The following CACTIN variants were observed in gnomAD, a reference collection of about 807,000 sequenced individuals.
CACTIN encodes the protein cactin, spliceosome C complex subunit, also known as splicing factor Cactin.
In CACTIN, 20 loss-of-function variants were observed where a neutral mutation model predicts 84.9. The observed-to-expected ratio is 0.24, with a 90% confidence interval of 0.17 to 0.34. The LOEUF (loss-of-function observed/expected upper bound fraction) is 0.34, where lower values mean the gene tolerates loss of function less well. Among genes scored for constraint, CACTIN ranks in the 10% least tolerant of loss-of-function variants. The probability of loss-of-function intolerance (pLI) is 1.00; values close to 1 mark genes in which losing one functional copy is unlikely to be tolerated. For synonymous variants in CACTIN, 549 were observed against 467.9 expected, an observed-to-expected ratio of 1.17 and a Z score of -2.24; for missense variants, 897 against 1,117.2, an observed-to-expected ratio of 0.80 and a Z score of 2.81.
chr19:3,618,183 G>GC (rs973423772), intron 6 of CACTIN, among the ~76,000 whole-genome samples: 2 of 138,138 alleles, frequency 1.4e-5, no homozygotes, highest in East Asian at 2.4e-4. Flanking sequence ...AGACCGGGGG[G>GC]GGGGGGGGTC....
At chr19:3,626,280 C>T (rs2145340792) in intron 1 of CACTIN, among the ~76,000 whole-genome samples, 1 of 152,360 alleles carries the variant, frequency 6.6e-6, no homozygotes, top group South Asian at 2.1e-4. Context: ...CCATTTCCCT[C>T]CGACTAATAG....
At chr19:3,612,574 G>A (rs549350322) in intron 9 of CACTIN, among the ~76,000 whole-genome samples, 161 bp from the exon 10 acceptor site, 4 of 146,726 alleles carry the variant, frequency 2.7e-5, no homozygotes, top group South Asian at 2.2e-4. Context: ...TGGGCGACCC[G>A]GAGACCCACA....
chr19:3,613,672 T>C lies in CACTIN; in HGVS notation c.1356-86A>G, dbSNP rs2033034627. 2.7e-6 allele frequency: 4 copies of C among 1,508,168 alleles called. No homozygotes were observed. The South Asian group carries it at 4.9e-5, about 19-fold the overall frequency. The allele number at this position is 1,508,168 out of a possible 1,614,324, so 93.4% of individuals were successfully genotyped here. On this transcript the variant is annotated intron_variant, in intron 7 of 9. Transcript: ENST00000429344. Reference sequence around the variant, plus strand: ...CCGAGATTCTCACGCCCCTTATTGCTGCAAGGACCCTGAGAAGGTGGCGAG... The same window carrying C: ...CCGAGATTCTCACGCCCCTTATTGCCGCAAGGACCCTGAGAAGGTGGCGAG...
In CACTIN at chr19:3,611,051, C is replaced by T. The variant is rs531410512; in HGVS notation, c.*872G>A. The T allele has an allele frequency of 6.3e-5, 27 of 426,450 alleles. No individual in the cohort carries two copies. In the East Asian group the frequency reaches 8.6e-4, roughly 14 times the overall value. 26.4% of individuals were successfully genotyped at this position (426,450 alleles called of 1,614,324 possible). ...TCACTGGTCTCATGCTCCAAGGCCC[C>T]GTGAGCAGGCCAGGTGGGGGGATCC... On this transcript the variant is annotated 3_prime_UTR_variant, in exon 10 of 10. Transcript: ENST00000429344.
chr19:3,623,345 T>C lies in CACTIN; in HGVS notation c.642+343A>G, dbSNP rs186325600. Among the ~76,000 whole-genome samples, 61 of 151,888 alleles carry C rather than the reference T, an allele frequency of 4.0e-4. No individual in the cohort carries two copies. In the East Asian group the frequency reaches 4.3e-3, roughly 11 times the overall value. ...GAGATCGAGACCATCCTGGCTAACA[T>C]GGTGAAACCCTGTCTCTACTAAAAA... On this transcript the variant is annotated intron_variant, in intron 2 of 9. Coordinates refer to ENST00000429344, the MANE Select transcript of CACTIN (RefSeq NM_001080543.2).
rs763736608 is a variant in CACTIN at position 3,611,885 on chromosome 19, T to C, written c.*38A>G. 3 of 1,604,040 alleles carry C rather than the reference T, an allele frequency of 1.9e-6. No homozygotes were observed. The highest frequency in any genetic ancestry group is 1.7e-6 in the Non-Finnish European group (2 of 1,177,476). ...CAGCTTCACCGAAGCCCCTTTACTG[T>C]GCCCCCGAGGACACCTGCCTGCCGT... On this transcript the variant is annotated 3_prime_UTR_variant, in exon 10 of 10. Coordinates refer to ENST00000429344, the MANE Select transcript of CACTIN (RefSeq NM_001080543.2).
chr19:3,612,766 A>C, intron 9 of CACTIN: 1 of 697,464 alleles, frequency 1.4e-6, no homozygotes. Flanking sequence ...TGAAGCCAGT[A>C]TTTTCTCCTC....
rs144872991 is a variant in CACTIN, at chr19:3,624,803, G to A, written c.168-641C>T. Among the ~76,000 whole-genome samples, 61 of 152,228 alleles carry A rather than the reference G, an allele frequency of 4.0e-4. No homozygotes were observed. In the East Asian group the frequency reaches 7.9e-3, roughly 20 times the overall value. On this transcript the variant is annotated intron_variant, in intron 1 of 9. Coordinates refer to ENST00000429344, the MANE Select transcript of CACTIN (RefSeq NM_001080543.2). ...GTTAACAGAGTAGAGCGCAGGGAAT[G>A]GAAGATGCACAACCTCAGGGGTGGT...
chr19:3,613,255 T>A lies in CACTIN; in HGVS notation c.1589A>T (p.Asp530Val). ...CTCGCCCTCGCCCTCGCCCTCACCG[T>A]CCCCGTCGCCGTCGCCCTCTGTCGG... ...ATPTEGDGDG[D>V]GEGEGEGEAV... The change falls in exon 9 of 10, where the codon GAC becomes GTC. Residue 530 changes from aspartate to valine, a missense_variant. This residue lies in a region of CACTIN where 243 missense variants were observed against 239.9 expected (regional missense o/e 1.01). Coordinates refer to ENST00000429344, the MANE Select transcript of CACTIN (RefSeq NM_001080543.2). 6.2e-7 allele frequency: 1 copy of A among 1,609,520 alleles called. No individual in the cohort carries two copies. Among genetic ancestry groups the A allele is most frequent in the Non-Finnish European group, 8.5e-7 (1 of 1,178,958 alleles).
At chr19:3,625,794 CTGAG>C (rs1202126966) in intron 1 of CACTIN, among the ~76,000 whole-genome samples, 9 of 152,240 alleles carry the variant, frequency 5.9e-5, no homozygotes, top group Non-Finnish European at 1.3e-4. Context: ...CAAGACTGGC[CTGAG>C]TGTCAGCCAC....
At chr19:3,614,686 T>A (rs2033065876) in intron 6 of CACTIN, 97 bp from the exon 7 acceptor site, 1 of 927,650 alleles carries the variant, frequency 1.1e-6, no homozygotes, top group African/African-American at 1.6e-5. Context: ...GGGGTCCCCC[T>A]CCCCTCCTCT....
Position 3,615,119 on chromosome 19 carries a change from C to CA in CACTIN, c.1163-531dup, listed in dbSNP as rs1444364235. On this transcript the variant is annotated intron_variant, in intron 6 of 9. Coordinates refer to ENST00000429344, the MANE Select transcript of CACTIN (RefSeq NM_001080543.2). The surrounding 1 kb of genome is among the most constrained non-coding windows in gnomAD (Gnocchi z 5.2). ...CTCTGTGAAGCCTAGCAAAGAAGGCCACCCTGCTGGCCCCTGGGGAAGTCC... is the reference window on the plus strand; with the variant it reads ...CTCTGTGAAGCCTAGCAAAGAAGGCCAACCCTGCTGGCCCCTGGGGAAGTCC... The CA allele has an allele frequency of 5.8e-6, 1 of 172,168 alleles. No homozygotes were observed. Among genetic ancestry groups the CA allele is most frequent in the African/African-American group, 2.4e-5 (1 of 42,070 alleles). 10.7% of individuals were successfully genotyped at this position (172,168 alleles called of 1,614,324 possible).
chr19:3,619,345 C>T, intron 4 of CACTIN, 103 bp from the exon 5 acceptor site: 1 of 1,397,270 alleles, frequency 7.2e-7, no homozygotes, highest in East Asian at 2.4e-5. Flanking sequence ...GAGGAGGGGC[C>T]TGACCCGTTG....
At chr19:3,616,298 A>T (rs936620221) in intron 6 of CACTIN, 1 of 152,244 alleles carries the variant, frequency 6.6e-6, no homozygotes, top group African/African-American at 2.4e-5. Context: ...AAATCTCACA[A>T]GTCACCACTA....
Position 3,611,909 on chromosome 19 carries a change from G to C in CACTIN, c.*14C>G. 1 of 1,611,612 alleles carries C rather than the reference G, an allele frequency of 6.2e-7. No homozygotes were observed. The highest frequency in any genetic ancestry group is 2.2e-5 in the East Asian group (1 of 44,864). ...GTGCCCCCGAGGACACCTGCCTGCC[G>C]TTCCCCAGGGCCGTCACCGCCGATA... On this transcript the variant is annotated 3_prime_UTR_variant, in exon 10 of 10. Coordinates refer to ENST00000429344, the MANE Select transcript of CACTIN (RefSeq NM_001080543.2).
At position 3,613,599 on chromosome 19, in the gene CACTIN, G is replaced by T; in HGVS notation, c.1356-13C>A. ...GCGCTCACGCAGCCTGGGACGCAGA[G>T]CCGGGGTCACCCGCATGGAGGCGAA... On this transcript the variant is annotated splice_polypyrimidine_tract_variant and intron_variant, in intron 7 of 9. Transcript: ENST00000429344. The T allele has an allele frequency of 6.3e-7, 1 of 1,593,434 alleles. No individual in the cohort carries two copies. Among genetic ancestry groups the T allele is most frequent in the Admixed American group, 1.7e-5 (1 of 58,990 alleles).
chr19:3,612,943 C>T, intron 9 of CACTIN, 115 bp downstream of exon 9: 1 of 1,258,330 alleles, frequency 7.9e-7, no homozygotes, highest in African/African-American at 1.5e-5. Context: ...GGGGGAGAAG[C>T]AGCAAGCAGC....
At chr19:3,621,985 A>G (rs1305000403) in intron 2 of CACTIN, among the ~76,000 whole-genome samples, 1 of 152,116 alleles carries the variant, frequency 6.6e-6, no homozygotes, top group Non-Finnish European at 1.5e-5. Context: ...CACCCCCTCC[A>G]CAAGTGGATG....
intron 3 of CACTIN, 170 bp downstream of exon 3, chr19:3,620,537 G>C (rs895063417): frequency 3.0e-6 from 2 of 661,306 alleles, no homozygotes; most frequent in East Asian, 2.7e-5. Context: ...AGAGCCGAGA[G>C]GTGGAGGGAA....
Sources: gnomAD v4.1 joint callset for allele counts (sites outside exome capture counted in the v4.1 genomes callset) on GRCh38, gnomAD v4.1.1 for gene constraint, gnomAD v4.1.1 regional missense constraint, Gnocchi (gnomAD v3.1) non-coding constraint, MANE v1.5 for transcripts, NCBI Gene and HGNC (gene_info 2026-07-23, HGNC 2026-07-21) for gene names.